WWOX: variants seen among roughly 807,000 people sequenced by gnomAD.
The protein encoded by WWOX is WW domain-containing oxidoreductase.
WWOX carries 69 observed loss-of-function variants against 46.2 expected under a neutral mutation model. That is an observed-to-expected ratio of 1.49 (90% CI 1.23 to 1.82). The LOEUF (loss-of-function observed/expected upper bound fraction) is 1.82, where lower values mean the gene tolerates loss of function less well. WWOX is among the 40% of genes most tolerant of loss of function. The pLI, the probability that WWOX is intolerant of heterozygous loss-of-function variation, is 0.00. For synonymous variants in WWOX, 359 were observed against 202.6 expected (o/e 1.77, Z -6.56); for missense variants, 919 against 542.6 (o/e 1.69, Z -6.89).
At chr16:78,820,685 T>A (rs1279287284) in intron 8 of WWOX, among the ~76,000 whole-genome samples, 1 of 152,194 alleles carries the variant, frequency 6.6e-6, no homozygotes, top group Non-Finnish European at 1.5e-5. Flanking sequence ...TGTATGTGTT[T>A]CCTGGGCCTG....
intron 8 of WWOX, among the ~76,000 whole-genome samples, chr16:78,677,558 G>A (rs1017970816): frequency 6.6e-6 from 1 of 152,138 alleles, no homozygotes; most frequent in Non-Finnish European, 1.5e-5. Context: ...ATAGTTATGG[G>A]TCCTTTCAGA....
At chr16:78,575,262 T>G (rs369203984) in intron 8 of WWOX, among the ~76,000 whole-genome samples, 1 of 149,226 alleles carries the variant, frequency 6.7e-6, no homozygotes. Context: ...CAAAACTGAC[T>G]TTTTATTTTT....
At position 78,444,512 on chromosome 16, in the gene WWOX, T is replaced by A. The variant is rs181373236; in HGVS notation, c.1056+11760T>A. Among the ~76,000 whole-genome samples, 628 of 151,860 alleles carry A rather than the reference T, an allele frequency of 4.1e-3. 7 individuals carry two copies. The highest frequency in any genetic ancestry group is 0.014 in the African/African-American group (577 of 41,278). On this transcript the variant is annotated intron_variant, in intron 8 of 8. Transcript: ENST00000566780. ...GTCAGAAATTATAGGAAGGATACAG[T>A]TATGGGATGAGGAGCAATTCTTTTT...
At chr16:78,501,562 A>G (rs2085069672) in intron 8 of WWOX, among the ~76,000 whole-genome samples, 1 of 149,382 alleles carries the variant, frequency 6.7e-6, no homozygotes, top group Non-Finnish European at 1.5e-5. Flanking sequence ...TTTGAGATGG[A>G]GTCTTCCTCT....
chr16:78,998,904 T>C (rs1018863099), intron 8 of WWOX, among the ~76,000 whole-genome samples: 15 of 152,224 alleles, frequency 9.9e-5, no homozygotes, highest in Admixed American at 8.5e-4. Flanking sequence ...ACTTTGTTAT[T>C]GCCTATGCAT....
rs545916101 is a variant in WWOX, at chr16:78,795,028, G to A, written c.1056+362276G>A. Among the ~76,000 whole-genome samples the A allele has an allele frequency of 3.9e-5, 6 of 152,320 alleles. No homozygotes were observed. In the East Asian group the frequency reaches 1.2e-3, roughly 29 times the overall value. ...AGTTGGAGGCTTAACACTGATCTTT[G>A]AGCTGGCGATTTTTCCAGCCAACTC... On this transcript the variant is annotated intron_variant, in intron 8 of 8. Transcript: ENST00000566780.
intron 8 of WWOX, among the ~76,000 whole-genome samples, chr16:78,572,359 C>T (rs1288999218): frequency 1.3e-5 from 2 of 152,134 alleles, no homozygotes; most frequent in East Asian, 1.9e-4. Context: ...CTTTGGAAGG[C>T]CACAGTCGGC....
chr16:78,128,490 A>T (rs2033452429), intron 4 of WWOX, among the ~76,000 whole-genome samples: 1 of 152,116 alleles, frequency 6.6e-6, no homozygotes, highest in Non-Finnish European at 1.5e-5. Flanking sequence ...GGGTGATGCG[A>T]TTTCTTCCTG....
At chr16:78,193,326 A>T (rs908334480) in intron 5 of WWOX, among the ~76,000 whole-genome samples, 9 of 152,256 alleles carry the variant, frequency 5.9e-5, no homozygotes, top group Non-Finnish European at 1.2e-4. Context: ...TCAGTAAAAT[A>T]GCACTTCACA....
At chr16:78,148,039 C>A (rs962699650) in intron 4 of WWOX, among the ~76,000 whole-genome samples, 2 of 151,888 alleles carry the variant, frequency 1.3e-5, no homozygotes, top group African/African-American at 4.8e-5. Context: ...GTAACGGAGG[C>A]CTCAATGGTG....
chr16:79,112,431 A>T (rs1348643349), intron 8 of WWOX, among the ~76,000 whole-genome samples: 1 of 152,160 alleles, frequency 6.6e-6, no homozygotes, highest in Non-Finnish European at 1.5e-5. Flanking sequence ...TGCCAGGAAT[A>T]TCCATCCATC....
intron 8 of WWOX, among the ~76,000 whole-genome samples, chr16:78,798,352 G>A (rs1312766069): frequency 6.6e-6 from 1 of 152,098 alleles, no homozygotes; most frequent in Non-Finnish European, 1.5e-5. Flanking sequence ...CCTAGCTAGA[G>A]GTCAGATGTC....
intron 4 of WWOX, among the ~76,000 whole-genome samples, chr16:78,163,269 G>C (rs2034857819): frequency 6.6e-6 from 1 of 152,184 alleles, no homozygotes; most frequent in African/African-American, 2.4e-5. Flanking sequence ...TGGATAGATA[G>C]GGACTGATCA....
chr16:78,529,790 C>A (rs1003078337), intron 8 of WWOX, among the ~76,000 whole-genome samples: 3 of 152,168 alleles, frequency 2.0e-5, no homozygotes, highest in Non-Finnish European at 4.4e-5. Context: ...AAAATGCATA[C>A]TATTAAATAC....
intron 8 of WWOX, among the ~76,000 whole-genome samples, chr16:78,862,451 A>G (rs1345579954): frequency 6.6e-6 from 1 of 151,876 alleles, no homozygotes; most frequent in Non-Finnish European, 1.5e-5. Flanking sequence ...TATATATAGT[A>G]TTCAATATAG....
intron 5 of WWOX, among the ~76,000 whole-genome samples, chr16:78,301,827 C>A (rs1036979414): frequency 1.3e-5 from 2 of 152,148 alleles, no homozygotes; most frequent in African/African-American, 4.8e-5. Context: ...AGGGTTAGGA[C>A]TGAGCCTTTC....
chr16:78,803,627 A>C (rs769674203), intron 8 of WWOX, among the ~76,000 whole-genome samples: 3 of 151,814 alleles, frequency 2.0e-5, no homozygotes, highest in Non-Finnish European at 4.4e-5. Flanking sequence ...TTTTAACTTT[A>C]ATTTTTATTT....
At chr16:78,797,052 C>G (rs1445740459) in intron 8 of WWOX, among the ~76,000 whole-genome samples, 2 of 152,034 alleles carry the variant, frequency 1.3e-5, no homozygotes, top group African/African-American at 2.4e-5. Flanking sequence ...TCTGGAACAC[C>G]TGATCTCAAG....
chr16:78,774,971 C>T (rs979821121), intron 8 of WWOX, among the ~76,000 whole-genome samples: 2 of 151,990 alleles, frequency 1.3e-5, no homozygotes, highest in African/African-American at 2.4e-5. Flanking sequence ...GGTGTATGCT[C>T]GAAGAGGGGC....
Sources: gnomAD v4.1 joint callset for allele counts (sites outside exome capture counted in the v4.1 genomes callset) on GRCh38, gnomAD v4.1.1 for gene constraint, MANE v1.5 for transcripts, NCBI Gene and HGNC (gene_info 2026-07-23, HGNC 2026-07-21) for gene names.